IMMP2L: variants seen among roughly 807,000 people sequenced by gnomAD.
The protein encoded by IMMP2L is inner mitochondrial membrane peptidase subunit 2.
IMMP2L carries 18 observed loss-of-function variants against 19.3 expected under a neutral mutation model. The observed-to-expected ratio is 0.93, with a 90% confidence interval of 0.64 to 1.38. The LOEUF (loss-of-function observed/expected upper bound fraction) is 1.38. Among genes scored for constraint, IMMP2L ranks in the 40% most tolerant of loss-of-function variants. The probability of loss-of-function intolerance (pLI) is 0.00; values close to 1 mark genes in which losing one functional copy is unlikely to be tolerated. For synonymous variants in IMMP2L, 76 were observed against 73.0 expected (o/e 1.04, Z -0.21); for missense variants, 233 against 218.2 (o/e 1.07, Z -0.43).
chr7:111,318,226 A>G (rs1014752311), intron 3 of IMMP2L, among the ~76,000 whole-genome samples: 1 of 152,190 alleles, frequency 6.6e-6, no homozygotes, highest in African/African-American at 2.4e-5. Flanking sequence ...TGTAAATGAA[A>G]GGGTGATTGA....
At chr7:110,862,315 T>C (rs971876839) in intron 5 of IMMP2L, among the ~76,000 whole-genome samples, 1 of 151,692 alleles carries the variant, frequency 6.6e-6, no homozygotes, top group Non-Finnish European at 1.5e-5. Context: ...TTAGAGGAGA[T>C]TTTTAAAGTC....
intron 3 of IMMP2L, among the ~76,000 whole-genome samples, chr7:111,333,968 T>C (rs957547006): frequency 2.0e-5 from 3 of 152,062 alleles, no homozygotes; most frequent in African/African-American, 7.2e-5. Context: ...TGATACACTC[T>C]TCAACCTGTA....
At chr7:111,220,157 C>T (rs1439656050) in intron 3 of IMMP2L, among the ~76,000 whole-genome samples, 1 of 151,954 alleles carries the variant, frequency 6.6e-6, no homozygotes, top group African/African-American at 2.4e-5. Context: ...ACTTACCACA[C>T]CCTATTCCCA....
intron 2 of IMMP2L, among the ~76,000 whole-genome samples, chr7:111,501,366 C>T (rs1372256866): frequency 2.3e-4 from 35 of 152,144 alleles, no homozygotes; most frequent in African/African-American, 7.5e-4. Flanking sequence ...CTGAAAGTGA[C>T]GGGGAGAATG....
At chr7:110,968,638 AC>A (rs1478107987) in intron 3 of IMMP2L, among the ~76,000 whole-genome samples, 1 of 152,110 alleles carries the variant, frequency 6.6e-6, no homozygotes, top group Non-Finnish European at 1.5e-5. Context: ...ACGCCAATGC[AC>A]TCCAGCTTGG....
At chr7:111,380,137 T>C (rs1026868192) in intron 3 of IMMP2L, among the ~76,000 whole-genome samples, 1 of 151,956 alleles carries the variant, frequency 6.6e-6, no homozygotes, top group Non-Finnish European at 1.5e-5. Context: ...TCTAAAAAAT[T>C]TGAAGGCACT....
At chr7:111,498,971 T>C (rs898000439) in intron 2 of IMMP2L, among the ~76,000 whole-genome samples, 2 of 152,156 alleles carry the variant, frequency 1.3e-5, no homozygotes, top group African/African-American at 4.8e-5. Context: ...AAAAAGGATA[T>C]ATACCTTATA....
intron 3 of IMMP2L, among the ~76,000 whole-genome samples, chr7:111,464,351 T>C (rs558221451): frequency 6.6e-6 from 1 of 152,252 alleles, no homozygotes. Context: ...TGCATGGTAG[T>C]GTTGACCTGC....
At chr7:111,219,860 C>T (rs1376721301) in intron 3 of IMMP2L, among the ~76,000 whole-genome samples, 1 of 151,814 alleles carries the variant, frequency 6.6e-6, no homozygotes, top group Non-Finnish European at 1.5e-5. Flanking sequence ...AATGAGGTAT[C>T]CATAAGCAAG....
At chr7:110,886,474 A>C (rs1810230617) in intron 5 of IMMP2L, 119 bp downstream of exon 5, 6 of 633,374 alleles carry the variant, frequency 9.5e-6, no homozygotes, top group Non-Finnish European at 1.7e-5. Context: ...AACATAAACT[A>C]TTCCAGTATA....
intron 3 of IMMP2L, among the ~76,000 whole-genome samples, chr7:111,459,177 A>G (rs1390898761): frequency 1.3e-5 from 2 of 152,076 alleles, no homozygotes; most frequent in Non-Finnish European, 2.9e-5. Context: ...TCTGTTTCTG[A>G]TTTTTCAATA....
chr7:110,784,876 G>A (rs1799964846), intron 5 of IMMP2L, among the ~76,000 whole-genome samples: 1 of 151,648 alleles, frequency 6.6e-6, no homozygotes, highest in Non-Finnish European at 1.5e-5. Context: ...TGTCCAGCAT[G>A]GTAGCCACTC....
intron 5 of IMMP2L, among the ~76,000 whole-genome samples, chr7:110,698,750 C>T (rs978863572): frequency 7.2e-5 from 11 of 152,192 alleles, no homozygotes; most frequent in Non-Finnish European, 1.5e-4. Flanking sequence ...CCAATACACA[C>T]TATGTGTCCA....
At chr7:111,064,809 T>C (rs1427119734) in intron 3 of IMMP2L, among the ~76,000 whole-genome samples, 1 of 152,130 alleles carries the variant, frequency 6.6e-6, no homozygotes, top group Non-Finnish European at 1.5e-5. Flanking sequence ...ACTATCAAGA[T>C]GAAAGCAGTC....
chr7:111,287,831 G>A (rs928986301), intron 3 of IMMP2L, among the ~76,000 whole-genome samples: 1 of 152,062 alleles, frequency 6.6e-6, no homozygotes, highest in Admixed American at 6.6e-5. Flanking sequence ...GAACTTCCAC[G>A]GACTCCCTTC....
intron 3 of IMMP2L, among the ~76,000 whole-genome samples, chr7:111,408,722 T>C (rs1218819546): frequency 1.3e-5 from 2 of 151,790 alleles, no homozygotes; most frequent in Admixed American, 6.6e-5. Context: ...AATTTACAGA[T>C]ACCCCTAGAA....
chr7:110,833,439 C>CAAA (rs66826955), intron 5 of IMMP2L, among the ~76,000 whole-genome samples: 95 of 115,272 alleles, frequency 8.2e-4, no homozygotes, highest in African/African-American at 1.4e-3. Flanking sequence ...AACTTCGTCT[C>CAAA]AAAAAAAAAA....
rs10223938 is a variant in IMMP2L, at chr7:111,186,709, G to A, written c.240-223144C>T. 9.4e-3 allele frequency among the ~76,000 whole-genome samples: 1,433 copies of A among 152,182 alleles called. 25 individuals carry two copies. Among genetic ancestry groups the A allele is most frequent in the African/African-American group, 0.032 (1,328 of 41,496 alleles). Reference sequence around the variant, plus strand: ...GCCTCCCAGAGTGTTGGGATTACAGGCATGAGCCACCGTGCCCAGCCTCTT... The same window carrying A: ...GCCTCCCAGAGTGTTGGGATTACAGACATGAGCCACCGTGCCCAGCCTCTT... On this transcript the variant is annotated intron_variant, in intron 3 of 5. Coordinates refer to ENST00000405709, the MANE Select transcript of IMMP2L (RefSeq NM_032549.4).
chr7:111,427,361 G>A (rs1049459130), intron 3 of IMMP2L, among the ~76,000 whole-genome samples: 7 of 151,648 alleles, frequency 4.6e-5, no homozygotes, highest in Non-Finnish European at 7.4e-5. Context: ...GTTAAGAAAG[G>A]CAGGATTAAT....
Sources: allele counts gnomAD v4.1 joint callset (sites outside exome capture counted in the v4.1 genomes callset), GRCh38; gene constraint gnomAD v4.1.1; transcripts MANE v1.5; gene names NCBI Gene and HGNC (gene_info 2026-07-23, HGNC 2026-07-21).